Variants in PSG11 observed in about 807,000 individuals in gnomAD.
PSG11 encodes the protein pregnancy specific beta-1-glycoprotein 11.
PSG11 carries 42 observed loss-of-function variants against 36.0 expected under a neutral mutation model. The ratio of observed to expected loss-of-function variants is 1.17; its 90% CI spans 0.91 to 1.51. PSG11 has a LOEUF of 1.51. Among genes scored for constraint, PSG11 ranks in the 40% most tolerant of loss-of-function variants. The pLI is 0.00. For missense variants in PSG11, 558 were observed against 403.5 expected (o/e 1.38, Z -3.28); for synonymous variants, 206 against 153.5 (o/e 1.34, Z -2.53).
At chr19:43,020,776 G>T (rs1967084322) in intron 2 of PSG11, among the ~76,000 whole-genome samples, 1 of 151,198 alleles carries the variant, frequency 6.6e-6, no homozygotes, top group African/African-American at 2.5e-5. Flanking sequence ...CAAATTAAAA[G>T]AAGTGATGTG....
intron 2 of PSG11, among the ~76,000 whole-genome samples, chr19:43,023,781 C>A (rs1967164286): frequency 6.6e-6 from 1 of 151,364 alleles, no homozygotes; most frequent in South Asian, 2.1e-4. Flanking sequence ...CCTCAGTTTT[C>A]TCTCAATCAG....
chr19:43,024,537 C>T, intron 2 of PSG11, 154 bp downstream of exon 2: 2 of 1,428,486 alleles, frequency 1.4e-6, no homozygotes, highest in East Asian at 2.3e-5. Context: ...AAATTTGTCT[C>T]CTCTGTGTGT....
Position 43,007,657 on chromosome 19 carries a change from A to C in PSG11, c.*426T>G, listed in dbSNP as rs1415020945. On this transcript the variant is annotated 3_prime_UTR_variant, in exon 6 of 6. Coordinates refer to ENST00000320078, the MANE Select transcript of PSG11 (RefSeq NM_002785.3). ...GTTATAAAGAGAGCAGATTCTTACT[A>C]AACTTGTGCAAATAACTTTATTACC... is the stretch of plus-strand genomic sequence containing the variant. 1 of 157,498 alleles carries C rather than the reference A, an allele frequency of 6.3e-6. No homozygotes were observed. Among genetic ancestry groups the C allele is most frequent in the Non-Finnish European group, 1.4e-5 (1 of 71,462 alleles). The allele number at this position is 157,498 out of a possible 1,614,324, so 9.8% of individuals were successfully genotyped here. A position where few individuals can be genotyped will look rare whatever the true frequency, so the allele number is the denominator to read the frequency against.
At chr19:43,015,404 C>T (rs751079391) in intron 3 of PSG11, 34 bp from the exon 4 acceptor site, 2 of 1,588,550 alleles carry the variant, frequency 1.3e-6, no homozygotes, top group Admixed American at 1.7e-5. Context: ...CAGTTGATGT[C>T]ATCTGAGGGA....
intron 1 of PSG11, among the ~76,000 whole-genome samples, chr19:43,025,690 A>C (rs2526713): frequency 6.9e-5 from 10 of 145,142 alleles, no homozygotes; most frequent in Admixed American, 6.8e-4. Context: ...GAGGTTTTTT[A>C]TTGAGGACAG....
intron 4 of PSG11, among the ~76,000 whole-genome samples, chr19:43,013,673 G>A (rs1423532401): frequency 6.6e-6 from 1 of 151,386 alleles, no homozygotes; most frequent in African/African-American, 2.4e-5. Flanking sequence ...CATTGCTGAT[G>A]GGAATGGGAA....
chr19:43,013,306 C>T (rs1432951626), intron 4 of PSG11, among the ~76,000 whole-genome samples: 5 of 151,234 alleles, frequency 3.3e-5, no homozygotes, highest in Non-Finnish European at 5.9e-5. Context: ...AGAACATTAT[C>T]AAGAAAGTAA....
chr19:43,013,745 AT>A lies in PSG11; in HGVS notation c.964+1370del, dbSNP rs374320227. ...TCAAAAAATTAAACAATGAATTACCATTTGATCCAGCAATTCCACTTCTGGA... is the reference window on the plus strand; with the variant it reads ...TCAAAAAATTAAACAATGAATTACCATTGATCCAGCAATTCCACTTCTGGA... On this transcript the variant is annotated intron_variant, in intron 4 of 5. Coordinates refer to ENST00000320078, the MANE Select transcript of PSG11 (RefSeq NM_002785.3). Among the ~76,000 whole-genome samples the A allele has an allele frequency of 7.7e-4, 116 of 151,494 alleles. 3 individuals are homozygous for A. The highest frequency in any genetic ancestry group is 2.6e-3 in the African/African-American group (108 of 41,158).
At chr19:43,010,214 C>T (rs1974039042) in intron 4 of PSG11, 173 bp from the exon 5 acceptor site, 2 of 1,451,502 alleles carry the variant, frequency 1.4e-6, no homozygotes, top group South Asian at 1.5e-5. Context: ...TTTTTTCCCT[C>T]TCACCATGTT....
rs1966913098 is a variant in PSG11 at position 43,014,686 on chromosome 19, T to C, written c.964+430A>G. The C allele has an allele frequency of 5.1e-6, 6 of 1,186,832 alleles. 1 individual carries two copies. Among genetic ancestry groups the C allele is most frequent in the African/African-American group, 1.6e-5 (1 of 63,074 alleles). The allele number at this position is 1,186,832 out of a possible 1,614,324, so 73.5% of individuals were successfully genotyped here. A position where few individuals can be genotyped will look rare whatever the true frequency, so the allele number is the denominator to read the frequency against. On this transcript the variant is annotated intron_variant, in intron 4 of 5. Transcript: ENST00000320078. ...CTCCTCCCTCACCCAAGGGGCTTCC[T>C]CCTCTCATTTGGGGGAAAAGTGTGA...
At chr19:43,014,962 A>G (rs1966920827) in intron 4 of PSG11, 154 bp downstream of exon 4, 2 of 1,533,842 alleles carry the variant, frequency 1.3e-6, no homozygotes, top group Non-Finnish European at 1.8e-6. Context: ...GAGAGTCTGT[A>G]GAGACAAATT....
At chr19:43,014,710 G>T (rs1568487054) in intron 4 of PSG11, 1 of 1,210,836 alleles carries the variant, frequency 8.3e-7, no homozygotes, top group Non-Finnish European at 1.0e-6. Context: ...GGAAAAGTGT[G>T]AGCTTGTTTC....
Position 43,015,178 on chromosome 19 carries a change from C to T in PSG11, c.902G>A (p.Cys301Tyr). 2.5e-6 allele frequency: 4 copies of T among 1,611,540 alleles called. No individual in the cohort carries two copies. The Middle Eastern group carries it at 6.6e-4, about 266-fold the overall frequency. Residue 301 changes from cysteine (C) to tyrosine (Y), a missense_variant, in exon 4 of 6, where the codon TGC (cysteine) becomes TAC (tyrosine). Transcript: ENST00000320078. ...ITPKHNGLYA[C>Y]SARNSATGEE... is the part of the protein sequence containing the mutation. Reference sequence around the variant, plus strand: ...GCCAGTGGCTGAGTTACGAGCAGAGCAAGCATAGAGCCCATTATGCTTTGG... The same window carrying T: ...GCCAGTGGCTGAGTTACGAGCAGAGTAAGCATAGAGCCCATTATGCTTTGG...
In PSG11 at chr19:43,012,775, G is replaced by C. The variant is rs559539752; in HGVS notation, c.964+2341C>G. The stretch of plus-strand genomic sequence containing the variant: ...TCTCAGTGACATTTTTGCAGAAAAA[G>C]AAAAATCTGTCCTAAAATTTATATT... On this transcript the variant is annotated intron_variant, in intron 4 of 5. Coordinates refer to ENST00000320078, the MANE Select transcript of PSG11 (RefSeq NM_002785.3). 5.0e-4 allele frequency among the ~76,000 whole-genome samples: 75 copies of C among 151,284 alleles called. 2 individuals carry two copies. The highest frequency in any genetic ancestry group is 1.7e-3 in the African/African-American group (69 of 41,102).
intron 3 of PSG11, 84 bp downstream of exon 3, chr19:43,018,686 C>T (rs1967026302): frequency 1.9e-6 from 3 of 1,609,110 alleles, no homozygotes; most frequent in East Asian, 2.2e-5. Context: ...TGTACTTGGA[C>T]CTGAGAGGGA....
At chr19:43,023,143 G>A (rs1232083413) in intron 2 of PSG11, among the ~76,000 whole-genome samples, 1 of 150,412 alleles carries the variant, frequency 6.6e-6, no homozygotes, top group South Asian at 2.1e-4. Context: ...GAGCTTCAGA[G>A]TTACATGAGG....
intron 2 of PSG11, among the ~76,000 whole-genome samples, chr19:43,023,336 AGT>A (rs1967150332): frequency 6.6e-6 from 1 of 150,492 alleles, no homozygotes; most frequent in South Asian, 2.1e-4. Flanking sequence ...AGAGCTCCTG[AGT>A]GTGTGTCTCT....
At chr19:43,009,901 T>C in intron 5 of PSG11, 57 bp downstream of exon 5, 1 of 1,359,972 alleles carries the variant, frequency 7.4e-7, no homozygotes, top group Non-Finnish European at 1.0e-6. Context: ...CATTTCCCTC[T>C]CCCAAGCATG....
chr19:43,014,939 A>T (rs570871792), intron 4 of PSG11, 177 bp downstream of exon 4: 1 of 1,484,038 alleles, frequency 6.7e-7, no homozygotes, highest in African/African-American at 1.4e-5. Context: ...AGAAAACAGA[A>T]AAAAAAGGAG....
Sources: allele counts gnomAD v4.1 joint callset (sites outside exome capture counted in the v4.1 genomes callset), GRCh38; gene constraint gnomAD v4.1.1; transcripts MANE v1.5; gene names NCBI Gene and HGNC (gene_info 2026-07-23, HGNC 2026-07-21).